The following SNTG1 variants were observed in gnomAD, a reference collection of about 807,000 sequenced individuals.
SNTG1 encodes the protein gamma-1-syntrophin.
In SNTG1, 39 loss-of-function variants were observed where a neutral mutation model predicts 74.7. The ratio of observed to expected loss-of-function variants is 0.52; its 90% CI spans 0.40 to 0.68. The LOEUF (loss-of-function observed/expected upper bound fraction) is 0.68, where lower values mean the gene tolerates loss of function less well. Ranked by LOEUF, SNTG1 falls within the 30% of genes least tolerant of loss-of-function variation. The pLI is 0.00. For synonymous variants in SNTG1, 254 were observed against 217.1 expected (o/e 1.17, Z -1.49); for missense variants, 685 against 609.5 (o/e 1.12, Z -1.30).
intron 15 of SNTG1, among the ~76,000 whole-genome samples, chr8:50,665,253 G>A (rs2095245100): frequency 1.3e-5 from 2 of 152,038 alleles, no homozygotes; most frequent in South Asian, 4.2e-4. Flanking sequence ...GATCAACTAA[G>A]TAGATATGTT....
At chr8:50,358,777 A>G (rs945942525) in intron 2 of SNTG1, among the ~76,000 whole-genome samples, 1 of 152,206 alleles carries the variant, frequency 6.6e-6, no homozygotes, top group Non-Finnish European at 1.5e-5. Flanking sequence ...TACTAAGAAA[A>G]ATTACCACTT....
At chr8:50,361,566 G>A (rs1292005372) in intron 2 of SNTG1, among the ~76,000 whole-genome samples, 5 of 152,040 alleles carry the variant, frequency 3.3e-5, no homozygotes, top group Non-Finnish European at 7.4e-5. Context: ...ACTCAAAGTC[G>A]CTGGGATTAC....
In SNTG1 at chr8:49,995,410, C is replaced by T. The variant is rs1814110052; in HGVS notation, c.-103+83179C>T. 2.0e-5 allele frequency among the ~76,000 whole-genome samples: 3 copies of T among 152,270 alleles called. No homozygotes were observed. In the South Asian group the frequency reaches 6.2e-4, roughly 32 times the overall value. On this transcript the variant is annotated intron_variant, in intron 1 of 18. Transcript: ENST00000642720. ...GAGAATAGAGAAATTGTTCTGAATTCTTGTCTACTGAGAACTGGAGAGAGT... is the reference window on the plus strand; with the variant it reads ...GAGAATAGAGAAATTGTTCTGAATTTTTGTCTACTGAGAACTGGAGAGAGT...
intron 1 of SNTG1, among the ~76,000 whole-genome samples, chr8:50,146,055 C>T (rs144830926): frequency 0.013 from 2,012 of 151,554 alleles, 22 homozygotes; most frequent in Non-Finnish European, 0.022. Context: ...TATTAAGGCA[C>T]TTTGGAAAGA....
intron 9 of SNTG1, among the ~76,000 whole-genome samples, chr8:50,505,827 T>C (rs1173648443): frequency 6.6e-6 from 1 of 152,134 alleles, no homozygotes; most frequent in African/African-American, 2.4e-5. Flanking sequence ...CTGTTGATCA[T>C]TTTATTTATT....
rs138271007 is a variant in SNTG1 at position 50,571,212 on chromosome 8, A to G, written c.810+18033A>G. On this transcript the variant is annotated intron_variant, in intron 12 of 18. Transcript: ENST00000642720. ...TATGACCCTGCACAGGGGCCACCCCATAGCATACCAACGCTGCTATCTCCT... is the reference window on the plus strand; with the variant it reads ...TATGACCCTGCACAGGGGCCACCCCGTAGCATACCAACGCTGCTATCTCCT... Among the ~76,000 whole-genome samples, 817 of 152,210 alleles carry G rather than the reference A, an allele frequency of 5.4e-3. 7 individuals are homozygous for G. Among genetic ancestry groups the G allele is most frequent in the African/African-American group, 0.018 (758 of 41,544 alleles).
chr8:50,053,789 T>C (rs1332556213), intron 1 of SNTG1, among the ~76,000 whole-genome samples: 2 of 151,960 alleles, frequency 1.3e-5, no homozygotes, highest in African/African-American at 2.4e-5. Context: ...CATTTATTTA[T>C]CTACAACACA....
chr8:50,498,581 G>A (rs1331150881), intron 8 of SNTG1, among the ~76,000 whole-genome samples: 2 of 151,794 alleles, frequency 1.3e-5, no homozygotes, highest in Admixed American at 6.6e-5. Flanking sequence ...GAAAAGAATG[G>A]TTCAATTTTG....
At chr8:50,708,837 ATAT>A in intron 16 of SNTG1, 46 bp from the exon 17 acceptor site, 1 of 1,220,674 alleles carries the variant, frequency 8.2e-7, no homozygotes, top group Non-Finnish European at 1.2e-6. Flanking sequence ...CATAATATTG[ATAT>A]TGCATCAATA....
intron 1 of SNTG1, among the ~76,000 whole-genome samples, chr8:50,061,065 T>C (rs1820430482): frequency 6.6e-6 from 1 of 152,158 alleles, no homozygotes; most frequent in South Asian, 2.1e-4. Context: ...GCCTTAAAAA[T>C]GAGTTGGAAA....
chr8:50,781,769 C>T (rs150716478), intron 18 of SNTG1, among the ~76,000 whole-genome samples: 14 of 152,222 alleles, frequency 9.2e-5, no homozygotes, highest in East Asian at 1.9e-4. Context: ...GGTTATTGTG[C>T]GCGTTCGTTG....
chr8:50,633,761 A>G lies in SNTG1; in HGVS notation c.850-23148A>G, dbSNP rs540373829. 5.3e-5 allele frequency among the ~76,000 whole-genome samples: 8 copies of G among 152,284 alleles called. No homozygotes were observed. The South Asian group carries it at 1.4e-3, about 28-fold the overall frequency. ...CGCTGAAACAGGTACCCATGTTATC[A>G]TCTTCCTATTCCTATGGGGTGAGGA... is the stretch of plus-strand genomic sequence containing the variant. On this transcript the variant is annotated intron_variant, in intron 13 of 18. Transcript: ENST00000642720.
rs577269477 is a variant in SNTG1 at position 49,973,960 on chromosome 8, A to G, written c.-103+61729A>G. Among the ~76,000 whole-genome samples the G allele has an allele frequency of 5.3e-5, 8 of 152,352 alleles. No individual in the cohort carries two copies. In the South Asian group the frequency reaches 1.7e-3, roughly 32 times the overall value. ...ATTCTACCTTCTTAGTGGAAATCATATAAATATTTTACCATAAGCCCCAAT... is the reference window on the plus strand; with the variant it reads ...ATTCTACCTTCTTAGTGGAAATCATGTAAATATTTTACCATAAGCCCCAAT... On this transcript the variant is annotated intron_variant, in intron 1 of 18. Transcript: ENST00000642720.
chr8:50,386,685 C>A (rs1340598483), intron 2 of SNTG1, among the ~76,000 whole-genome samples: 1 of 152,016 alleles, frequency 6.6e-6, no homozygotes, highest in Non-Finnish European at 1.5e-5. Flanking sequence ...GAAGGGGAGC[C>A]AGCATGTCAT....
chr8:50,039,870 T>C (rs1260396820), intron 1 of SNTG1, among the ~76,000 whole-genome samples: 1 of 152,146 alleles, frequency 6.6e-6, no homozygotes, highest in African/African-American at 2.4e-5. Context: ...TGCTAATGAT[T>C]GACTGCCCGG....
intron 17 of SNTG1, among the ~76,000 whole-genome samples, chr8:50,710,215 C>T (rs1188042303): frequency 1.3e-5 from 2 of 152,134 alleles, no homozygotes; most frequent in Non-Finnish European, 2.9e-5. Context: ...ATTTGGCCAT[C>T]TAATGTGTTG....
At chr8:50,680,638 C>T (rs903606342) in intron 15 of SNTG1, among the ~76,000 whole-genome samples, 3 of 152,152 alleles carry the variant, frequency 2.0e-5, no homozygotes, top group African/African-American at 7.2e-5. Flanking sequence ...TCTACCATTT[C>T]TACCAACACC....
intron 1 of SNTG1, among the ~76,000 whole-genome samples, chr8:49,998,269 G>A (rs1442150539): frequency 1.3e-5 from 2 of 152,192 alleles, no homozygotes; most frequent in Non-Finnish European, 2.9e-5. Flanking sequence ...AAGTGAGTGA[G>A]TGAGTGGTGA....
chr8:50,238,624 A>T (rs2086025067), intron 2 of SNTG1, among the ~76,000 whole-genome samples: 1 of 152,242 alleles, frequency 6.6e-6, no homozygotes, highest in Non-Finnish European at 1.5e-5. Flanking sequence ...ACCGCAACAT[A>T]AACAAACATT....
Sources: gnomAD v4.1 joint callset for allele counts (sites outside exome capture counted in the v4.1 genomes callset) on GRCh38, gnomAD v4.1.1 for gene constraint, MANE v1.5 for transcripts, NCBI Gene and HGNC (gene_info 2026-07-23, HGNC 2026-07-21) for gene names.